The following RPS6KA3 variants were observed in gnomAD, a reference collection of about 807,000 sequenced individuals.
RPS6KA3 encodes ribosomal protein S6 kinase alpha-3.
A neutral mutation model predicts 67.2 loss-of-function variants in RPS6KA3; 4 were observed. That is an observed-to-expected ratio of 0.06 (90% CI 0.03 to 0.14). The LOEUF (loss-of-function observed/expected upper bound fraction) is 0.14. Ranked by LOEUF, RPS6KA3 falls within the 10% of genes least tolerant of loss-of-function variation. The pLI is 1.00. For missense variants in RPS6KA3, 204 were observed against 559.0 expected (o/e 0.36, Z 6.40); for synonymous variants, 182 against 183.7 (o/e 0.99, Z 0.07).
Position 20,176,497 on chromosome X carries a change from A to C in RPS6KA3, c.936T>G (p.Gly312=). The part of the protein sequence containing the change: ...LFKRNPANRL[G]AGPDGVEEIK... ...TTTCTTCAACTCCATCTGGTCCTGC[A>C]CCTATCAAAAATGGATTCACTGATA... is the stretch of plus-strand genomic sequence containing the variant. The change falls in exon 12 of 22, where the codon GGT becomes GGG. Residue 312 remains glycine, a splice_region_variant and synonymous_variant. Transcript: ENST00000379565. 8.5e-7 allele frequency: 1 copy of C among 1,179,634 alleles called. No homozygotes were observed. Among genetic ancestry groups the C allele is most frequent in the Non-Finnish European group, 1.2e-6 (1 of 867,044 alleles).
chrX:20,252,207 GTGTT>G lies in RPS6KA3; in HGVS notation c.69+14353_69+14356del, dbSNP rs753663054. On this transcript the variant is annotated intron_variant, in intron 1 of 21. Transcript: ENST00000379565. ...GACTAATTTTTCATTTGTTTCAAGA[GTGTT>G]TGTGATTGCTCACTGAGGCATTTTT... Among the ~76,000 whole-genome samples, 23 of 111,639 alleles carry G rather than the reference GTGTT, an allele frequency of 2.1e-4. No individual in the cohort carries two copies. The East Asian group carries it at 2.8e-3, about 14-fold the overall frequency.
At chrX:20,225,791 TG>T in intron 2 of RPS6KA3, among the ~76,000 whole-genome samples, 1 of 111,977 alleles carries the variant, frequency 8.9e-6, no homozygotes, top group East Asian at 2.8e-4. Flanking sequence ...GGCAACTTTG[TG>T]TGAAGTAAAA....
chrX:20,199,720 T>C (rs1023892060), intron 4 of RPS6KA3, among the ~76,000 whole-genome samples: 1 of 111,392 alleles, frequency 9.0e-6, no homozygotes, highest in Non-Finnish European at 1.9e-5. Context: ...TACCACTATA[T>C]AAATTTCAGA....
At chrX:20,161,951 C>A (rs1231850545) in intron 19 of RPS6KA3, among the ~76,000 whole-genome samples, 190 bp from the exon 20 acceptor site, 1 of 108,282 alleles carries the variant, frequency 9.2e-6, no homozygotes, top group East Asian at 2.8e-4. Flanking sequence ...ATTTAATATA[C>A]AAATTATTGT....
At chrX:20,189,869 C>T (rs2068080068) in intron 7 of RPS6KA3, among the ~76,000 whole-genome samples, 1 of 111,582 alleles carries the variant, frequency 9.0e-6, no homozygotes, top group Non-Finnish European at 1.9e-5. Flanking sequence ...CAAAGTTTAC[C>T]ACTGAAGGTA....
intron 1 of RPS6KA3, among the ~76,000 whole-genome samples, chrX:20,253,684 G>T (rs1203510016): frequency 9.0e-6 from 1 of 111,528 alleles, no homozygotes; most frequent in Non-Finnish European, 1.9e-5. Context: ...TCCACATTAT[G>T]GTTGAAAATG....
chrX:20,262,769 A>G (rs2070268323), intron 1 of RPS6KA3, among the ~76,000 whole-genome samples: 1 of 111,614 alleles, frequency 9.0e-6, no homozygotes, highest in African/African-American at 3.3e-5. Flanking sequence ...GAAAAGGAAA[A>G]GAAACAATAA....
chrX:20,176,237 A>G lies in RPS6KA3; in HGVS notation c.1102+13T>C. The G allele has an allele frequency of 4.9e-6, 5 of 1,018,685 alleles. No individual in the cohort carries two copies. Among genetic ancestry groups the G allele is most frequent in the African/African-American group, 1.9e-5 (1 of 53,808 alleles). 84.0% of individuals were successfully genotyped at this position (1,018,685 alleles called of 1,213,427 possible). ...TGTTGTCTTATATTTGGATTTTCAC[A>G]TTTTCTCCTTACCTTTGGGAGTTTT... is the stretch of plus-strand genomic sequence containing the variant. On this transcript the variant is annotated intron_variant, in intron 13 of 21. Transcript: ENST00000379565.
intron 2 of RPS6KA3, among the ~76,000 whole-genome samples, chrX:20,218,128 CTT>C (rs2068901853): frequency 8.9e-6 from 1 of 112,077 alleles, no homozygotes; most frequent in Admixed American, 9.5e-5. Flanking sequence ...ATTTAATTCT[CTT>C]TAAAGAGCTG....
intron 2 of RPS6KA3, among the ~76,000 whole-genome samples, chrX:20,223,209 A>G (rs2069027248): frequency 9.0e-6 from 1 of 111,677 alleles, no homozygotes; most frequent in Non-Finnish European, 1.9e-5. Context: ...ATTTATATTC[A>G]TAAATTAAAC....
chrX:20,217,270 T>A (rs1480326179), intron 2 of RPS6KA3, among the ~76,000 whole-genome samples: 1 of 112,295 alleles, frequency 8.9e-6, no homozygotes, highest in Non-Finnish European at 1.9e-5. Context: ...ATCTAATGTT[T>A]CCTTTTCAAG....
intron 20 of RPS6KA3, among the ~76,000 whole-genome samples, chrX:20,157,527 T>C (rs896470932): frequency 2.0e-5 from 2 of 100,341 alleles, no homozygotes; most frequent in Non-Finnish European, 4.0e-5. Context: ...AAAGACAAAA[T>C]GAACTCTGAC....
chrX:20,160,261 G>T (rs1312184420), intron 20 of RPS6KA3, among the ~76,000 whole-genome samples: 2 of 111,590 alleles, frequency 1.8e-5, no homozygotes, highest in Non-Finnish European at 3.8e-5. Context: ...CTGGGATTGG[G>T]AATTCTATCT....
chrX:20,197,644 G>T (rs184545002), intron 4 of RPS6KA3, among the ~76,000 whole-genome samples: 12 of 112,042 alleles, frequency 1.1e-4, no homozygotes, highest in African/African-American at 3.9e-4. Context: ...AATGAGCAGT[G>T]AGAGTCCTTC....
intron 1 of RPS6KA3, among the ~76,000 whole-genome samples, chrX:20,246,051 G>A (rs2069677638): frequency 9.3e-6 from 1 of 107,401 alleles, no homozygotes; most frequent in Non-Finnish European, 1.9e-5. Flanking sequence ...CTGGGAGGCG[G>A]AGGCTGCAGT....
At chrX:20,210,842 T>C (rs763320786) in intron 2 of RPS6KA3, among the ~76,000 whole-genome samples, 53 of 111,081 alleles carry the variant, frequency 4.8e-4, no homozygotes, top group Non-Finnish European at 7.9e-4. Flanking sequence ...GAACCAAGCA[T>C]TAGCTGACTC....
intron 17 of RPS6KA3, 105 bp downstream of exon 17, chrX:20,167,484 C>T: frequency 1.4e-6 from 1 of 730,794 alleles, no homozygotes; most frequent in Non-Finnish European, 2.2e-6. Flanking sequence ...CAGCTAATAG[C>T]AGTTATTTTC....
chrX:20,176,876 G>A (rs1424627314), intron 11 of RPS6KA3, 120 bp downstream of exon 11: 11 of 561,846 alleles, frequency 2.0e-5, no homozygotes, highest in East Asian at 1.1e-4. Flanking sequence ...ACAGGCGTGA[G>A]CCACCAGGCC....
intron 1 of RPS6KA3, among the ~76,000 whole-genome samples, chrX:20,238,182 A>G (rs2069464329): frequency 1.8e-5 from 2 of 111,457 alleles, no homozygotes; most frequent in Admixed American, 1.9e-4. Context: ...AAATCATCTT[A>G]AAGGGTGGTA....
Sources: gnomAD v4.1 joint callset for allele counts (sites outside exome capture counted in the v4.1 genomes callset) on GRCh38, gnomAD v4.1.1 for gene constraint, MANE v1.5 for transcripts, NCBI Gene and HGNC (gene_info 2026-07-23, HGNC 2026-07-21) for gene names.